Variants in TMEM132E observed in about 807,000 individuals in gnomAD.
TMEM132E encodes the protein transmembrane protein 132E.
Under a neutral mutation model 78.5 loss-of-function variants are expected in TMEM132E, and 49 were observed. That is an observed-to-expected ratio of 0.62 (90% CI 0.50 to 0.79). TMEM132E has a LOEUF of 0.79. TMEM132E is among the 30% of genes least tolerant of loss of function. The probability of loss-of-function intolerance (pLI) is 0.00; values close to 1 mark genes in which losing one functional copy is unlikely to be tolerated. For missense variants in TMEM132E, 1,403 were observed against 1,470.9 expected, an observed-to-expected ratio of 0.95 and a Z score of 0.75; for synonymous variants, 715 against 670.6, an observed-to-expected ratio of 1.07 and a Z score of -1.02.
chr17:34,598,369 A>AG (rs1906123985), intron 1 of TMEM132E, among the ~76,000 whole-genome samples: 2 of 152,212 alleles, frequency 1.3e-5, no homozygotes, highest in South Asian at 4.1e-4. Flanking sequence ...CCCATCAGAG[A>AG]GTCCCATCAC....
At chr17:34,629,245 A>T (rs374359570) in intron 4 of TMEM132E, 41 bp downstream of exon 4, 77 of 1,596,770 alleles carry the variant, frequency 4.8e-5, no homozygotes, top group Middle Eastern at 3.6e-4. Context: ...GCCTGGGTCT[A>T]TGCATGTGTG....
chr17:34,627,000 A>G lies in TMEM132E; in HGVS notation c.941A>G (p.Tyr314Cys). 2 of 1,613,748 alleles carry G rather than the reference A, an allele frequency of 1.2e-6. No homozygotes were observed. The highest frequency in any genetic ancestry group is 8.5e-7 in the Non-Finnish European group (1 of 1,179,988). Residue 314 changes from tyrosine (Y) to cysteine (C), a missense_variant, in exon 2 of 9, where the codon TAT (tyrosine) becomes TGT (cysteine). Transcript: ENST00000631683. ...GGGGAAGTGCTCAGCATCCTCCTCT[A>G]TCTGGCCCCCAACTCCTCCTCGCCC... ...KPGEVLSILLYLAPNSSSPSS... is the reference protein window; with the variant it reads ...KPGEVLSILLCLAPNSSSPSS...
intron 1 of TMEM132E, among the ~76,000 whole-genome samples, chr17:34,611,466 G>A (rs145456720): frequency 6.6e-6 from 1 of 152,156 alleles, no homozygotes; most frequent in Non-Finnish European, 1.5e-5. Flanking sequence ...AGTCTTGAAG[G>A]CCCCTTTCCA....
In TMEM132E at chr17:34,637,577, C is replaced by T. The variant is rs749104260; in HGVS notation, c.2570C>T (p.Pro857Leu). ...SALPAPEAPG[P>L]GTASPVVPPT... ...CTACCCGCACCGGAGGCTCCAGGCC[C>T]GGGCACCGCCAGCCCCGTCGTGCCA... Residue 857 changes from proline (P) to leucine (L), a missense_variant, in exon 9 of 9, where the codon CCG becomes CTG. Physicochemically the swap from Pro to Leu is moderately conservative, Grantham distance 98. Coordinates refer to ENST00000631683, the MANE Select transcript of TMEM132E (RefSeq NM_001304438.2). 1 of 1,600,332 alleles carries T rather than the reference C, an allele frequency of 6.2e-7. No individual in the cohort carries two copies. The highest frequency in any genetic ancestry group is 1.7e-5 in the Admixed American group (1 of 59,644).
intron 1 of TMEM132E, among the ~76,000 whole-genome samples, chr17:34,624,014 T>A (rs1260406481): frequency 6.6e-6 from 1 of 152,218 alleles, no homozygotes. Context: ...GCTGCTCACG[T>A]CCTTCCGAGC....
At chr17:34,591,196 A>C (rs892598961) in intron 1 of TMEM132E, among the ~76,000 whole-genome samples, 3 of 152,200 alleles carry the variant, frequency 2.0e-5, no homozygotes, top group Non-Finnish European at 4.4e-5. Flanking sequence ...CTGTGACTTC[A>C]CAGCCAGTTC....
intron 1 of TMEM132E, among the ~76,000 whole-genome samples, chr17:34,615,580 C>T (rs1020594926): frequency 6.6e-6 from 1 of 150,634 alleles, no homozygotes; most frequent in African/African-American, 2.4e-5. Context: ...AGGGCCATCC[C>T]AGTCATTCCT....
chr17:34,623,215 T>C (rs1321049948), intron 1 of TMEM132E, among the ~76,000 whole-genome samples: 1 of 152,126 alleles, frequency 6.6e-6, no homozygotes, highest in African/African-American at 2.4e-5. Flanking sequence ...AATTGTCCAA[T>C]CCCTTCCTTC....
intron 4 of TMEM132E, among the ~76,000 whole-genome samples, chr17:34,629,472 G>A (rs1229587474): frequency 6.6e-6 from 1 of 152,184 alleles, no homozygotes; most frequent in African/African-American, 2.4e-5. Context: ...GCAGAAGGAG[G>A]TAGCAATGCA....
chr17:34,587,555 C>A (rs924921753), intron 1 of TMEM132E, among the ~76,000 whole-genome samples: 8 of 152,168 alleles, frequency 5.3e-5, no homozygotes, highest in Non-Finnish European at 1.2e-4. Context: ...GAGGACCCCA[C>A]AACCTTCTCA....
intron 1 of TMEM132E, among the ~76,000 whole-genome samples, chr17:34,582,227 G>T (rs1905514548): frequency 6.6e-6 from 1 of 151,986 alleles, no homozygotes; most frequent in Admixed American, 6.5e-5. Context: ...CGCTTAGATG[G>T]AGGGGGCAGT....
At position 34,629,037 on chromosome 17, in the gene TMEM132E, T is replaced by C; in HGVS notation, c.1171T>C (p.Leu391=). The change falls in exon 4 of 9, where the codon TTG becomes CTG. Residue 391 remains leucine, a synonymous_variant. Coordinates refer to ENST00000631683, the MANE Select transcript of TMEM132E (RefSeq NM_001304438.2). ...GGAGGGCCAGGGCCCCTTGGAGATC[T>C]TGCAGCTGGACTTTGAAATGGAGAA... ...PREGQGPLEI[L]QLDFEMENFT... The C allele has an allele frequency of 6.3e-7, 1 of 1,578,950 alleles. No homozygotes were observed. Among genetic ancestry groups the C allele is most frequent in the Non-Finnish European group, 8.6e-7 (1 of 1,159,396 alleles).
intron 1 of TMEM132E, among the ~76,000 whole-genome samples, chr17:34,602,570 A>T (rs986767067): frequency 6.6e-6 from 1 of 152,182 alleles, no homozygotes; most frequent in South Asian, 2.1e-4. Flanking sequence ...AGCAGGTGGG[A>T]CATGTTGTCA....
In TMEM132E at chr17:34,616,855, G is replaced by T. The variant is rs1318456661; in HGVS notation, c.68-9272G>T. ...TCCAGCCTGGGGTGGGGACATGCCT[G>T]TGGGGACCAGCTTAGGTGGTATCTT... On this transcript the variant is annotated intron_variant, in intron 1 of 8. Transcript: ENST00000631683. Among the ~76,000 whole-genome samples, 3 of 152,218 alleles carry T rather than the reference G, an allele frequency of 2.0e-5. No individual in the cohort carries two copies. In the East Asian group the frequency reaches 5.8e-4, roughly 29 times the overall value.
chr17:34,613,894 C>G (rs1290572348), intron 1 of TMEM132E, among the ~76,000 whole-genome samples: 1 of 152,192 alleles, frequency 6.6e-6, no homozygotes, highest in Non-Finnish European at 1.5e-5. Context: ...CCTTCCCTGA[C>G]ACTCCCCGCC....
chr17:34,609,180 A>G (rs1034608938), intron 1 of TMEM132E, among the ~76,000 whole-genome samples: 2 of 152,174 alleles, frequency 1.3e-5, no homozygotes, highest in Non-Finnish European at 2.9e-5. Flanking sequence ...GTGTCTGAAG[A>G]AGGTCTGTGC....
At chr17:34,620,222 G>A (rs1331387951) in intron 1 of TMEM132E, among the ~76,000 whole-genome samples, 1 of 152,146 alleles carries the variant, frequency 6.6e-6, no homozygotes, top group Non-Finnish European at 1.5e-5. Context: ...GGCCCCTGCT[G>A]TGCTCCCAGA....
chr17:34,623,209 G>C (rs539372449), intron 1 of TMEM132E, among the ~76,000 whole-genome samples: 302 of 152,296 alleles, frequency 2.0e-3, no homozygotes, highest in African/African-American at 7.0e-3. Context: ...AGTCACAATT[G>C]TCCAATCCCT....
At position 34,630,088 on chromosome 17, in the gene TMEM132E, T is replaced by C. The variant is rs1278739647; in HGVS notation, c.1419T>C (p.Asn473=). The change falls in exon 5 of 9, where the codon AAT becomes AAC. Residue 473 remains asparagine (N), a synonymous_variant. Coordinates refer to ENST00000631683, the MANE Select transcript of TMEM132E (RefSeq NM_001304438.2). The part of the protein sequence containing the change: ...IPVKVIAIEV[N]GLVLDISALV... ...TCAAGGTCATTGCCATCGAGGTGAA[T>C]GGCCTCGTCCTGGACATCTCCGCCC... The C allele has an allele frequency of 6.2e-7, 1 of 1,613,678 alleles. No homozygotes were observed. The highest frequency in any genetic ancestry group is 2.2e-5 in the East Asian group (1 of 44,868).
Sources: allele counts gnomAD v4.1 joint callset (sites outside exome capture counted in the v4.1 genomes callset), GRCh38; gene constraint gnomAD v4.1.1; transcripts MANE v1.5; gene names NCBI Gene and HGNC (gene_info 2026-07-23, HGNC 2026-07-21).